Variants in MTMR2 observed in about 807,000 individuals in gnomAD.
MTMR2 encodes phosphatidylinositol-3,5-bisphosphate 3-phosphatase MTMR2.
Under a neutral mutation model 86.9 loss-of-function variants are expected in MTMR2, and 55 were observed. The observed-to-expected ratio is 0.63, with a 90% confidence interval of 0.51 to 0.79. MTMR2 has a LOEUF of 0.79. MTMR2 is among the 30% of genes least tolerant of loss of function. The pLI, the probability that MTMR2 is intolerant of heterozygous loss-of-function variation, is 0.00. For synonymous variants in MTMR2, 241 were observed against 266.8 expected, an observed-to-expected ratio of 0.90 and a Z score of 0.94; for missense variants, 659 against 772.3, an observed-to-expected ratio of 0.85 and a Z score of 1.74.
chr11:95,841,852 T>C, intron 11 of MTMR2, 143 bp from the exon 12 acceptor site: 1 of 703,516 alleles, frequency 1.4e-6, no homozygotes, highest in Admixed American at 2.1e-5. Flanking sequence ...TCCCAACACT[T>C]TGGGAGGCTG....
intron 7 of MTMR2, among the ~76,000 whole-genome samples, chr11:95,851,748 T>C (rs976308081): frequency 1.3e-5 from 2 of 152,192 alleles, no homozygotes; most frequent in Non-Finnish European, 1.5e-5. Context: ...ATCGCTTACA[T>C]ACGTAAAGTA....
chr11:95,921,551 T>A (rs1259664863), intron 1 of MTMR2, among the ~76,000 whole-genome samples: 1 of 152,230 alleles, frequency 6.6e-6, no homozygotes. Context: ...AGTGTTAGCC[T>A]AGATTGTTTA....
intron 3 of MTMR2, 129 bp downstream of exon 3, chr11:95,865,472 T>C: frequency 7.0e-6 from 6 of 862,806 alleles, no homozygotes; most frequent in South Asian, 1.3e-5. Context: ...CTGAGAAGAC[T>C]GCAGGTAAAG....
intron 7 of MTMR2, among the ~76,000 whole-genome samples, chr11:95,855,787 G>A (rs1864189066): frequency 6.6e-6 from 1 of 151,962 alleles, no homozygotes; most frequent in South Asian, 2.1e-4. Flanking sequence ...CCCATAACGT[G>A]GTATCTATCA....
intron 5 of MTMR2, among the ~76,000 whole-genome samples, chr11:95,861,472 G>A (rs754132222): frequency 3.2e-4 from 48 of 150,982 alleles, no homozygotes; most frequent in Non-Finnish European, 6.2e-4. Flanking sequence ...TGCCCAAGCT[G>A]GAGTGCAGTG....
In MTMR2 at chr11:95,849,732, T is replaced by C. The variant is rs1236971888; in HGVS notation, c.935A>G (p.Gln312Arg). 1 of 1,614,052 alleles carries C rather than the reference T, an allele frequency of 6.2e-7. No individual in the cohort carries two copies. The highest frequency in any genetic ancestry group is 1.7e-5 in the Admixed American group (1 of 60,002). ...YLQAIMDSNA[Q>R]SHKIFIFDAR... ...ATCAAATATAAAGATTTTGTGAGAC[T>C]GGGCATTGGAATCCATGATAGCTTG... Residue 312 changes from glutamine to arginine, a missense_variant, in exon 9 of 15, where the codon CAG becomes CGG. By Grantham distance (43) the Gln-to-Arg change is conservative. Coordinates refer to ENST00000346299, the MANE Select transcript of MTMR2 (RefSeq NM_016156.6).
intron 1 of MTMR2, among the ~76,000 whole-genome samples, chr11:95,892,742 T>C (rs1026312837): frequency 3.9e-5 from 6 of 152,198 alleles, no homozygotes; most frequent in Admixed American, 2.6e-4. Context: ...CACTTTTCTC[T>C]GTCCAAGCCT....
chr11:95,836,422 C>G (rs563383988), intron 13 of MTMR2, 98 bp from the exon 14 acceptor site: 1 of 1,186,182 alleles, frequency 8.4e-7, no homozygotes, highest in South Asian at 1.2e-5. Flanking sequence ...ATTAAAATCT[C>G]TTTAGAGGAA....
chr11:95,922,753 T>C (rs1039143163), intron 1 of MTMR2, among the ~76,000 whole-genome samples: 15 of 152,142 alleles, frequency 9.9e-5, no homozygotes, highest in Admixed American at 6.6e-5. Flanking sequence ...TATGAGTGCA[T>C]ATGGCAATGT....
At chr11:95,887,397 T>A (rs932395303) in intron 2 of MTMR2, among the ~76,000 whole-genome samples, 69 of 151,876 alleles carry the variant, frequency 4.5e-4, no homozygotes, top group Admixed American at 4.3e-3. Flanking sequence ...GAGAAATAAA[T>A]GTTTATTGTT....
At chr11:95,883,138 T>C (rs781161514) in intron 2 of MTMR2, among the ~76,000 whole-genome samples, 9 of 152,062 alleles carry the variant, frequency 5.9e-5, no homozygotes, top group Non-Finnish European at 1.2e-4. Context: ...AACTACTACA[T>C]AGCTTGACTT....
At chr11:95,863,865 CCCTCTATCATT>C (rs1313307730) in intron 3 of MTMR2, among the ~76,000 whole-genome samples, 4 of 152,068 alleles carry the variant, frequency 2.6e-5, no homozygotes, top group Non-Finnish European at 5.9e-5. Flanking sequence ...TTGTTCTGTA[CCCTCTATCATT>C]CCTCAAGAGA....
intron 2 of MTMR2, among the ~76,000 whole-genome samples, chr11:95,874,268 T>G (rs1295720811): frequency 1.3e-5 from 2 of 152,212 alleles, no homozygotes; most frequent in Non-Finnish European, 2.9e-5. Flanking sequence ...GCTTTATGAA[T>G]CTGGGTGCTC....
intron 1 of MTMR2, among the ~76,000 whole-genome samples, chr11:95,911,733 C>T (rs764400726): frequency 6.6e-6 from 1 of 152,134 alleles, no homozygotes; most frequent in Non-Finnish European, 1.5e-5. Context: ...TTAACCCTTC[C>T]ATCCCAAACT....
chr11:95,895,686 C>G (rs188801116), intron 1 of MTMR2, among the ~76,000 whole-genome samples: 1 of 152,238 alleles, frequency 6.6e-6, no homozygotes, highest in Admixed American at 6.5e-5. Context: ...CTTTGGAAGA[C>G]AGTCTGGTAG....
rs1336912764 is a variant in MTMR2, at chr11:95,851,102, G to A, written c.655-353C>T. On this transcript the variant is annotated intron_variant, in intron 7 of 14. Transcript: ENST00000346299. Reference sequence around the variant, plus strand: ...TTTTGAGACAGAGTCTCACTCTGTCGCCCAGGCTGGAGTGCAATGGTGCGA... The same window carrying A: ...TTTTGAGACAGAGTCTCACTCTGTCACCCAGGCTGGAGTGCAATGGTGCGA... Among the ~76,000 whole-genome samples the A allele has an allele frequency of 1.1e-4, 13 of 118,868 alleles. 1 individual carries two copies. Among genetic ancestry groups the A allele is most frequent in the African/African-American group, 3.4e-4 (10 of 29,628 alleles). 78.0% of individuals were successfully genotyped at this position (118,868 alleles called of 152,430 possible).
chr11:95,899,770 T>C (rs1406866521), intron 1 of MTMR2, among the ~76,000 whole-genome samples: 1 of 151,404 alleles, frequency 6.6e-6, no homozygotes, highest in East Asian at 1.9e-4. Flanking sequence ...AGCAAAAGAG[T>C]AAAAACATTC....
At chr11:95,858,064 C>A (rs910746766) in intron 6 of MTMR2, among the ~76,000 whole-genome samples, 2 of 152,054 alleles carry the variant, frequency 1.3e-5, no homozygotes, top group Non-Finnish European at 2.9e-5. Flanking sequence ...TTGCTTTCAT[C>A]GCTAAACAGG....
In MTMR2 at chr11:95,904,638, T is replaced by C. The variant is rs112513591; in HGVS notation, c.81-16377A>G. Among the ~76,000 whole-genome samples the C allele has an allele frequency of 3.0e-3, 450 of 152,344 alleles. 4 individuals are homozygous for C. The highest frequency in any genetic ancestry group is 9.8e-3 in the African/African-American group (409 of 41,576). ...TACTGCTACACTCCCTCAAGTACCA[T>C]GGCAATCATGAATAATCCACCCCTT... On this transcript the variant is annotated intron_variant, in intron 1 of 14. Transcript: ENST00000346299.
Sources: gnomAD v4.1 joint callset for allele counts (sites outside exome capture counted in the v4.1 genomes callset) on GRCh38, gnomAD v4.1.1 for gene constraint, MANE v1.5 for transcripts, NCBI Gene and HGNC (gene_info 2026-07-23, HGNC 2026-07-21) for gene names.